The following KCTD8 variants were observed in gnomAD, a reference collection of about 807,000 sequenced individuals.
KCTD8 encodes BTB/POZ domain-containing protein KCTD8.
KCTD8 carries 27 observed loss-of-function variants against 31.5 expected under a neutral mutation model. The ratio of observed to expected loss-of-function variants is 0.86; its 90% confidence interval spans 0.63 to 1.18. The LOEUF (loss-of-function observed/expected upper bound fraction) is 1.18, where lower values mean the gene tolerates loss of function less well. KCTD8 is among the 50% of genes most tolerant of loss of function. KCTD8 has a pLI of 0.00. For missense variants in KCTD8, 658 were observed against 647.7 expected, an observed-to-expected ratio of 1.02 and a Z score of -0.17; for synonymous variants, 290 against 280.0, an observed-to-expected ratio of 1.04 and a Z score of -0.36.
At chr4:44,199,413 A>C (rs1448322621) in intron 1 of KCTD8, among the ~76,000 whole-genome samples, 4 of 152,108 alleles carry the variant, frequency 2.6e-5, no homozygotes, top group African/African-American at 4.8e-5. Context: ...CCATATAGCA[A>C]GTCTGAGTAA....
intron 1 of KCTD8, among the ~76,000 whole-genome samples, chr4:44,234,021 C>A (rs1188683741): frequency 6.6e-6 from 1 of 152,110 alleles, no homozygotes; most frequent in Non-Finnish European, 1.5e-5. Flanking sequence ...TAAGATTAAA[C>A]AATTTAATAA....
intron 1 of KCTD8, among the ~76,000 whole-genome samples, chr4:44,272,137 AT>A (rs1716631129): frequency 6.7e-6 from 1 of 149,934 alleles, no homozygotes; most frequent in Middle Eastern, 3.2e-3. Flanking sequence ...ATATATATAT[AT>A]ATAAATGCTG....
At chr4:44,330,807 T>C (rs931363441) in intron 1 of KCTD8, among the ~76,000 whole-genome samples, 1 of 151,936 alleles carries the variant, frequency 6.6e-6, no homozygotes, top group African/African-American at 2.4e-5. Flanking sequence ...ATGATGATGA[T>C]GACAATGAAG....
intron 1 of KCTD8, among the ~76,000 whole-genome samples, chr4:44,319,043 T>C (rs564786307): frequency 6.6e-6 from 1 of 152,300 alleles, no homozygotes; most frequent in South Asian, 2.1e-4. Flanking sequence ...TGGCAGGACA[T>C]TGCAAAGGTT....
intron 1 of KCTD8, among the ~76,000 whole-genome samples, chr4:44,361,297 TAAG>T (rs1367418024): frequency 1.3e-5 from 2 of 152,084 alleles, no homozygotes; most frequent in African/African-American, 4.8e-5. Flanking sequence ...CTAGACACGT[TAAG>T]AAGTCTTTCT....
chr4:44,325,295 G>T (rs1718415026), intron 1 of KCTD8, among the ~76,000 whole-genome samples: 1 of 151,820 alleles, frequency 6.6e-6, no homozygotes, highest in Admixed American at 6.6e-5. Flanking sequence ...GAAAGTTGAG[G>T]GCGAAGGAAT....
chr4:44,295,802 C>G (rs1001301489), intron 1 of KCTD8, among the ~76,000 whole-genome samples: 2 of 152,124 alleles, frequency 1.3e-5, no homozygotes, highest in African/African-American at 2.4e-5. Flanking sequence ...GACTGGGAAT[C>G]AAGTTTCTAA....
chr4:44,349,091 C>T (rs1020889027), intron 1 of KCTD8, among the ~76,000 whole-genome samples: 3 of 132,872 alleles, frequency 2.3e-5, no homozygotes, highest in Middle Eastern at 3.3e-3. Context: ...CCACCACCAC[C>T]ACCACTACCA....
intron 1 of KCTD8, among the ~76,000 whole-genome samples, chr4:44,299,941 C>A (rs968241390): frequency 6.6e-6 from 1 of 151,634 alleles, no homozygotes; most frequent in Admixed American, 6.6e-5. Context: ...TTAGTAGAGA[C>A]GGGGTTTCGC....
intron 1 of KCTD8, among the ~76,000 whole-genome samples, chr4:44,375,249 A>T (rs2109439037): frequency 6.6e-6 from 1 of 152,288 alleles, no homozygotes. Context: ...GTGTGAGGTA[A>T]GAAACAAGGA....
At chr4:44,263,385 A>C (rs1716241085) in intron 1 of KCTD8, among the ~76,000 whole-genome samples, 2 of 152,134 alleles carry the variant, frequency 1.3e-5, no homozygotes, top group African/African-American at 4.8e-5. Context: ...TCAATACTTA[A>C]TGAGGTTGCC....
chr4:44,203,786 T>G, intron 1 of KCTD8, among the ~76,000 whole-genome samples: 1 of 151,824 alleles, frequency 6.6e-6, no homozygotes, highest in East Asian at 1.9e-4. Context: ...GTATTTAAAA[T>G]GAGAACGATA....
intron 1 of KCTD8, among the ~76,000 whole-genome samples, chr4:44,373,176 A>G (rs371473538): frequency 1.3e-5 from 2 of 152,238 alleles, no homozygotes. Context: ...CAGCCTGACC[A>G]ACATGGTGAA....
chr4:44,382,580 A>G (rs972006093), intron 1 of KCTD8, among the ~76,000 whole-genome samples: 1 of 151,884 alleles, frequency 6.6e-6, no homozygotes, highest in Non-Finnish European at 1.5e-5. Flanking sequence ...TACAAAAAAA[A>G]TTACCCGGGC....
intron 1 of KCTD8, among the ~76,000 whole-genome samples, chr4:44,364,242 G>T (rs1370437628): frequency 6.6e-6 from 1 of 151,668 alleles, no homozygotes; most frequent in Non-Finnish European, 1.5e-5. Context: ...AGTAGGAAAA[G>T]AAAAAAAGCC....
At chr4:44,323,761 T>C (rs1226166270) in intron 1 of KCTD8, among the ~76,000 whole-genome samples, 2 of 151,876 alleles carry the variant, frequency 1.3e-5, no homozygotes, top group Non-Finnish European at 1.5e-5. Context: ...CAAAAATCTG[T>C]TAATAAGAAA....
chr4:44,261,870 AT>A (rs1290344159), intron 1 of KCTD8, among the ~76,000 whole-genome samples: 3 of 152,062 alleles, frequency 2.0e-5, no homozygotes, highest in Non-Finnish European at 4.4e-5. Flanking sequence ...CACAATGCAT[AT>A]GCATATCAAA....
At chr4:44,364,201 T>C (rs994285286) in intron 1 of KCTD8, among the ~76,000 whole-genome samples, 19 of 151,882 alleles carry the variant, frequency 1.3e-4, no homozygotes, top group Non-Finnish European at 2.1e-4. Flanking sequence ...AGGACTTGTA[T>C]CCAAAATACA....
intron 1 of KCTD8, among the ~76,000 whole-genome samples, chr4:44,356,159 T>C (rs937382144): frequency 6.6e-6 from 1 of 152,174 alleles, no homozygotes; most frequent in Non-Finnish European, 1.5e-5. Flanking sequence ...TTTTCAGAAT[T>C]TGACTATAGC....
Sources: gnomAD v4.1 joint callset for allele counts (sites outside exome capture counted in the v4.1 genomes callset) on GRCh38, gnomAD v4.1.1 for gene constraint, MANE v1.5 for transcripts, NCBI Gene and HGNC (gene_info 2026-07-23, HGNC 2026-07-21) for gene names.